The following LETM2 variants were observed in gnomAD, a reference collection of about 807,000 sequenced individuals.
LETM2 encodes LETM1 domain-containing protein LETM2, mitochondrial.
A neutral mutation model predicts 59.6 loss-of-function variants in LETM2; 58 were observed. That is an observed-to-expected ratio of 0.97 (90% CI 0.79 to 1.21). LETM2 has a LOEUF of 1.21. LETM2 is among the 50% of genes most tolerant of loss of function. The pLI, the probability that LETM2 is intolerant of heterozygous loss-of-function variation, is 0.00. For missense variants in LETM2, 572 were observed against 575.7 expected (o/e 0.99, Z 0.07); for synonymous variants, 199 against 214.1 (o/e 0.93, Z 0.62).
rs749401957 is a variant in LETM2 at position 38,401,136 on chromosome 8, TTTTTTG to T, written c.984+102_984+107del. The stretch of plus-strand genomic sequence containing the variant: ...TGCCTGTGGGATGAAGTGTGCAGTA[TTTTTTG>T]TTTTTGTTTTTGTTTTTGAGACAAA... On this transcript the variant is annotated intron_variant, in intron 6 of 10. Transcript: ENST00000379957. 1.3e-4 allele frequency: 159 copies of T among 1,184,438 alleles called. 1 individual carries two copies. Among genetic ancestry groups the T allele is most frequent in the South Asian group, 3.5e-4 (26 of 74,530 alleles). The allele number at this position is 1,184,438 out of a possible 1,614,324, so 73.4% of individuals were successfully genotyped here.
upstream of LETM2, among the ~76,000 whole-genome samples, chr8:38,385,061 A>G (rs1811717646): frequency 6.6e-6 from 1 of 152,232 alleles, no homozygotes; most frequent in African/African-American, 2.4e-5. Flanking sequence ...AAAGAGTCCA[A>G]AGCTTTGTAG....
chr8:38,388,215 G>A (rs936403267), intron 2 of LETM2, among the ~76,000 whole-genome samples, 185 bp downstream of exon 2: 1 of 151,736 alleles, frequency 6.6e-6, no homozygotes, highest in Non-Finnish European at 1.5e-5. Context: ...AAGTAACTGG[G>A]ATTACAGGTG....
At chr8:38,408,082 C>T (rs1226119199) in intron 10 of LETM2, 130 bp from the exon 11 acceptor site, 2 of 671,930 alleles carry the variant, frequency 3.0e-6, no homozygotes, top group Non-Finnish European at 5.1e-6. Context: ...CTTTTATTAC[C>T]AAGGTAAATT....
rs779634612 is a variant in LETM2 at position 38,407,336 on chromosome 8, C to A, written c.1312-26C>A. 79 of 1,507,200 alleles carry A rather than the reference C, an allele frequency of 5.2e-5. 1 individual carries two copies. The South Asian group carries it at 5.7e-4, about 11-fold the overall frequency. The allele number at this position is 1,507,200 out of a possible 1,614,324, so 93.4% of individuals were successfully genotyped here. A position where few individuals can be genotyped will look rare whatever the true frequency, so the allele number is the denominator to read the frequency against. On this transcript the variant is annotated intron_variant, in intron 9 of 10. Coordinates refer to ENST00000379957, the MANE Select transcript of LETM2 (RefSeq NM_001286819.2). ...TACACATTTTCTTTTAAATCAGTAA[C>A]CCAACTCTCAGTTCTGATGTTTAAG...
At chr8:38,382,942 G>C (rs1811638104), upstream of LETM2, 1 of 152,148 alleles carries the variant, frequency 6.6e-6, no homozygotes, top group African/African-American at 2.4e-5. The surrounding 1 kb of genome is among the most constrained non-coding windows in gnomAD (Gnocchi z 4.2). Flanking sequence ...GGCTCGCCGA[G>C]GGAGCGCCTC....
chr8:38,399,496 G>C (rs1484625286), intron 4 of LETM2, among the ~76,000 whole-genome samples: 2 of 152,154 alleles, frequency 1.3e-5, no homozygotes, highest in Non-Finnish European at 2.9e-5. Flanking sequence ...TCTCATTCTT[G>C]TCTGGGCGCT....
At chr8:38,400,442 C>T (rs1426741350) in intron 5 of LETM2, 33 bp downstream of exon 5, 5 of 1,526,542 alleles carry the variant, frequency 3.3e-6, no homozygotes, top group Non-Finnish European at 3.5e-6. Flanking sequence ...CGAACAACTT[C>T]GGGGCTGGGC....
At chr8:38,407,716 C>G (rs548871660) in intron 10 of LETM2, among the ~76,000 whole-genome samples, 1 of 152,246 alleles carries the variant, frequency 6.6e-6, no homozygotes, top group South Asian at 2.1e-4. Flanking sequence ...TAGGCAGACC[C>G]TTTTTTTCTT....
At chr8:38,384,809 T>C (rs1352970548), upstream of LETM2, among the ~76,000 whole-genome samples, 16 of 152,234 alleles carry the variant, frequency 1.1e-4, no homozygotes, top group Non-Finnish European at 2.2e-4. Flanking sequence ...ATCTGGTTTA[T>C]GAATACTTAA....
At chr8:38,390,892 A>G (rs1318222504) in intron 2 of LETM2, among the ~76,000 whole-genome samples, 1 of 151,700 alleles carries the variant, frequency 6.6e-6, no homozygotes, top group East Asian at 2.0e-4. Context: ...CATGTTGGCC[A>G]GGATGGTCTA....
At chr8:38,407,904 AAG>A in intron 10 of LETM2, 2 of 390,408 alleles carry the variant, frequency 5.1e-6, no homozygotes, top group South Asian at 5.1e-5. Flanking sequence ...ACAGGGCATG[AAG>A]AGAGTAAACA....
upstream of LETM2, chr8:38,382,980 G>A (rs60558877): frequency 0.19 from 28,255 of 152,044 alleles, 3,009 homozygotes; most frequent in East Asian, 0.31. This position sits in a 1 kb window ranked among gnomAD's most constrained non-coding sequence, Gnocchi z 4.2. Flanking sequence ...CCGGCCCCGC[G>A]CGCCTCTTCC....
chr8:38,388,080 CTTTTTT>C, intron 2 of LETM2, 50 bp downstream of exon 2: 1 of 889,764 alleles, frequency 1.1e-6, no homozygotes. Context: ...TCTTCTTCTT[CTTTTTT>C]TTTTTTTTTT....
intron 3 of LETM2, chr8:38,393,254 T>C (rs1401065443): frequency 1.3e-5 from 5 of 388,588 alleles, no homozygotes; most frequent in Non-Finnish European, 2.3e-5. Context: ...ATGTGCATGT[T>C]TGTAGAATAG....
rs1470468548 is a variant in LETM2, at chr8:38,401,047, T to C, written c.978T>C (p.Asp326=). 9.3e-6 allele frequency: 15 copies of C among 1,612,796 alleles called. No individual in the cohort carries two copies. The highest frequency in any genetic ancestry group is 1.3e-5 in the African/African-American group (1 of 74,900). Residue 326 remains aspartate, a synonymous_variant, in exon 6 of 11, where the codon GAT becomes GAC. Coordinates refer to ENST00000379957, the MANE Select transcript of LETM2 (RefSeq NM_001286819.2). ...TGAAACTGAAGTCTATAAAAGCAGA[T>C]GATGAAGTAAGAGCTTAACCATAGC... ...LLMKLKSIKA[D]DEIIAKEGVT... is the part of the protein sequence containing the mutation.
chr8:38,390,028 C>G (rs75262405), intron 2 of LETM2, among the ~76,000 whole-genome samples: 1 of 150,626 alleles, frequency 6.6e-6, no homozygotes, highest in Non-Finnish European at 1.5e-5. Flanking sequence ...AAAGAACAGC[C>G]TGGATAACAT....
intron 4 of LETM2, among the ~76,000 whole-genome samples, chr8:38,397,704 A>G (rs1812802203): frequency 3.3e-5 from 5 of 152,176 alleles, no homozygotes; most frequent in Admixed American, 2.6e-4. Context: ...TGGGTGGATG[A>G]CATGATTAGA....
At position 38,392,989 on chromosome 8, in the gene LETM2, A is replaced by T. The variant is rs1422679249; in HGVS notation, c.495A>T (p.Arg165Ser). The T allele has an allele frequency of 6.3e-7, 1 of 1,594,180 alleles. No homozygotes were observed. Among genetic ancestry groups the T allele is most frequent in the African/African-American group, 1.3e-5 (1 of 74,458 alleles). The change falls in exon 3 of 11, where the codon AGA becomes AGT. Residue 165 changes from arginine to serine, a missense_variant. Coordinates refer to ENST00000379957, the MANE Select transcript of LETM2 (RefSeq NM_001286819.2). ...GACAGGTCCTGACCAGACGAGAGAG[A>T]CGAAGGGTAGGCAAGAATCATATTT... ...LHGQVLTRRE[R>S]RRLLRTCVDF...
chr8:38,396,932 A>G, intron 4 of LETM2: 1 of 316,618 alleles, frequency 3.2e-6, no homozygotes, highest in Non-Finnish European at 6.2e-6. Context: ...AAAAGAATAA[A>G]GAAAACAGAA....
Sources: gnomAD v4.1 joint callset for allele counts (sites outside exome capture counted in the v4.1 genomes callset) on GRCh38, gnomAD v4.1.1 for gene constraint, Gnocchi (gnomAD v3.1) non-coding constraint, MANE v1.5 for transcripts, NCBI Gene and HGNC (gene_info 2026-07-23, HGNC 2026-07-21) for gene names.